The following BTBD9 variants were observed in gnomAD, a reference collection of about 807,000 sequenced individuals.
BTBD9 encodes BTB domain containing 9.
A neutral mutation model predicts 64.3 loss-of-function variants in BTBD9; 49 were observed. The observed-to-expected ratio is 0.76, with a 90% CI of 0.61 to 0.97. The LOEUF is 0.97. Ranked by LOEUF, BTBD9 falls within the 50% of genes least tolerant of loss-of-function variation. The pLI, the probability that BTBD9 is intolerant of heterozygous loss-of-function variation, is 0.00. For missense variants in BTBD9, 598 were observed against 762.1 expected (o/e 0.78, Z 2.53); for synonymous variants, 260 against 274.7 (o/e 0.95, Z 0.53).
rs1011807700 is a variant in BTBD9 at position 38,592,582 on chromosome 6, T to C, written c.808A>G (p.Met270Val). The C allele has an allele frequency of 8.7e-6, 14 of 1,613,984 alleles. No individual in the cohort carries two copies. Among genetic ancestry groups the C allele is most frequent in the Non-Finnish European group, 1.2e-5 (14 of 1,180,000 alleles). The change falls in exon 4 of 11, where the codon ATG (methionine) becomes GTG (valine). Residue 270 changes from methionine (M) to valine (V), a missense_variant. Transcript: ENST00000481247. ...SRDMDLNYRG[M>V]LIPEENIATM... ...AGGATAGACAGGTACTTACTGAGCA[T>C]GCCTCTATAATTGAGGTCCATATCC... is the stretch of plus-strand genomic sequence containing the variant.
intron 6 of BTBD9, among the ~76,000 whole-genome samples, chr6:38,437,058 G>A (rs1327695445): frequency 6.6e-6 from 1 of 152,086 alleles, no homozygotes; most frequent in African/African-American, 2.4e-5. Flanking sequence ...AAAAGGGCTG[G>A]GTTGGTGATA....
intron 6 of BTBD9, among the ~76,000 whole-genome samples, chr6:38,420,062 A>G (rs1767837064): frequency 1.3e-5 from 2 of 152,292 alleles, no homozygotes; most frequent in Non-Finnish European, 2.9e-5. Context: ...AAACACTGAC[A>G]TCTCATTTCC....
chr6:38,226,297 C>A (rs1453192806), intron 9 of BTBD9, among the ~76,000 whole-genome samples: 1 of 152,170 alleles, frequency 6.6e-6, no homozygotes, highest in Non-Finnish European at 1.5e-5. Context: ...TATGTATAAG[C>A]AACTGTCTGT....
At chr6:38,229,417 C>G (rs1170653067) in intron 9 of BTBD9, among the ~76,000 whole-genome samples, 4 of 152,068 alleles carry the variant, frequency 2.6e-5, no homozygotes, top group African/African-American at 7.3e-5. Context: ...TTATCATGAC[C>G]CTACAGCCCC....
chr6:38,374,323 A>ATATATATATATG lies in BTBD9; in HGVS notation c.1155-29231_1155-29230insCATATATATATA, dbSNP rs1562095919. On this transcript the variant is annotated intron_variant, in intron 6 of 10. Transcript: ENST00000481247. Reference sequence around the variant, plus strand: ...TATATATATGTATATATATATATATATATGTATATAAAATCTGTACTCAAA... The same window carrying ATATATATATATG: ...TATATATATGTATATATATATATATATATATATATATGTATGTATATAAAATCTGTACTCAAA... Among the ~76,000 whole-genome samples the ATATATATATATG allele has an allele frequency of 1.9e-4, 23 of 121,810 alleles. 1 individual carries two copies. The highest frequency in any genetic ancestry group is 7.3e-4 in the African/African-American group (22 of 30,212). The allele number at this position is 121,810 out of a possible 152,430, so 79.9% of individuals were successfully genotyped here.
At chr6:38,287,206 C>A (rs1421117433) in intron 8 of BTBD9, among the ~76,000 whole-genome samples, 1 of 150,804 alleles carries the variant, frequency 6.6e-6, no homozygotes, top group Non-Finnish European at 1.5e-5. Flanking sequence ...TAGGCCTTCA[C>A]ATTCACCCAT....
intron 6 of BTBD9, among the ~76,000 whole-genome samples, chr6:38,371,890 G>T (rs1424870021): frequency 1.3e-5 from 2 of 152,076 alleles, no homozygotes; most frequent in Non-Finnish European, 2.9e-5. Flanking sequence ...ACCTTTTATG[G>T]CCTCGGTGTC....
intron 6 of BTBD9, among the ~76,000 whole-genome samples, chr6:38,451,658 C>T (rs1769556716): frequency 6.6e-6 from 1 of 152,098 alleles, no homozygotes; most frequent in African/African-American, 2.4e-5. Flanking sequence ...TGATAGTACC[C>T]AAGTGCCATG....
At chr6:38,183,273 G>C (rs371870208) in intron 10 of BTBD9, among the ~76,000 whole-genome samples, 1 of 152,146 alleles carries the variant, frequency 6.6e-6, no homozygotes, top group Non-Finnish European at 1.5e-5. Flanking sequence ...CACCGCGCCC[G>C]GCCTAAAAGG....
intron 8 of BTBD9, among the ~76,000 whole-genome samples, chr6:38,282,111 T>G (rs1189657575): frequency 6.6e-6 from 1 of 152,156 alleles, no homozygotes; most frequent in Non-Finnish European, 1.5e-5. Flanking sequence ...AACTAAGACA[T>G]TAGGTGGATT....
At chr6:38,557,850 T>C (rs1300608285) in intron 6 of BTBD9, among the ~76,000 whole-genome samples, 2 of 152,228 alleles carry the variant, frequency 1.3e-5, no homozygotes, top group African/African-American at 4.8e-5. Context: ...CACAACCAAC[T>C]GTGAAGTTGG....
chr6:38,627,412 A>G (rs185884067), intron 1 of BTBD9, among the ~76,000 whole-genome samples: 2 of 152,356 alleles, frequency 1.3e-5, no homozygotes, highest in South Asian at 2.1e-4. Context: ...AGTACAATAT[A>G]TATGGGCTTA....
chr6:38,335,022 A>G (rs149531506), intron 7 of BTBD9, among the ~76,000 whole-genome samples: 1 of 152,178 alleles, frequency 6.6e-6, no homozygotes. Flanking sequence ...TTCTCATTAT[A>G]GTGAGTGAGT....
At chr6:38,272,039 A>G (rs1312929442) in intron 8 of BTBD9, among the ~76,000 whole-genome samples, 1 of 152,094 alleles carries the variant, frequency 6.6e-6, no homozygotes, top group Non-Finnish European at 1.5e-5. Flanking sequence ...TTCCATTCCC[A>G]AACCCTCGTT....
chr6:38,249,693 C>CA (rs1286301076), intron 9 of BTBD9, among the ~76,000 whole-genome samples: 1 of 148,444 alleles, frequency 6.7e-6, no homozygotes, highest in Non-Finnish European at 1.5e-5. Flanking sequence ...TAGCAGTCAA[C>CA]ACAACTGTCT....
At chr6:38,339,458 G>C (rs1297849449) in intron 7 of BTBD9, among the ~76,000 whole-genome samples, 2 of 152,036 alleles carry the variant, frequency 1.3e-5, no homozygotes, top group Admixed American at 6.6e-5. Context: ...AATAGAGCAA[G>C]ACCCTGTCTC....
intron 10 of BTBD9, among the ~76,000 whole-genome samples, chr6:38,189,244 G>A (rs1226173519): frequency 6.6e-6 from 1 of 152,140 alleles, no homozygotes; most frequent in African/African-American, 2.4e-5. Flanking sequence ...TGTCCATGCG[G>A]TCATATCCTC....
chr6:38,259,236 T>A (rs1764711421), intron 8 of BTBD9, among the ~76,000 whole-genome samples: 1 of 152,240 alleles, frequency 6.6e-6, no homozygotes, highest in South Asian at 2.1e-4. Flanking sequence ...ATTTACAACC[T>A]CTAACCTATC....
At chr6:38,539,179 A>G (rs1002760702) in intron 6 of BTBD9, among the ~76,000 whole-genome samples, 11 of 152,084 alleles carry the variant, frequency 7.2e-5, no homozygotes, top group Non-Finnish European at 1.0e-4. Context: ...CAATCCTCCC[A>G]TCTTGGCCTC....
Sources: allele counts gnomAD v4.1 joint callset (sites outside exome capture counted in the v4.1 genomes callset), GRCh38; gene constraint gnomAD v4.1.1; transcripts MANE v1.5; gene names NCBI Gene and HGNC (gene_info 2026-07-23, HGNC 2026-07-21).